Variants in DMD observed in about 807,000 individuals in gnomAD.
DMD encodes the protein mutant dystrophin.
Under a neutral mutation model 330.1 loss-of-function variants are expected in DMD, and 63 were observed. That is an observed-to-expected ratio of 0.19 (90% CI 0.16 to 0.24). The LOEUF is 0.24. Ranked by LOEUF, DMD falls within the 10% of genes least tolerant of loss-of-function variation. DMD has a pLI of 1.00. For synonymous variants in DMD, 1,223 were observed against 959.8 expected (o/e 1.27, Z -5.07); for missense variants, 3,344 against 2,684.1 (o/e 1.25, Z -5.43).
intron 42 of DMD, among the ~76,000 whole-genome samples, chrX:32,308,841 A>T (rs2097550271): frequency 9.0e-6 from 1 of 110,917 alleles, no homozygotes; most frequent in South Asian, 3.8e-4. Context: ...AGGAATGGAT[A>T]TTAGCTCATT....
At chrX:32,875,663 G>A (rs1362461506) in intron 2 of DMD, among the ~76,000 whole-genome samples, 1 of 112,101 alleles carries the variant, frequency 8.9e-6, no homozygotes, top group African/African-American at 3.2e-5. Context: ...TTTAAAATTA[G>A]TCAAAGCAAC....
chrX:32,639,049 C>G (rs747130769), intron 11 of DMD, among the ~76,000 whole-genome samples: 119 of 111,750 alleles, frequency 1.1e-3, no homozygotes, highest in Non-Finnish European at 2.0e-3. Context: ...CCAAAAAACA[C>G]AACTTCACTT....
At chrX:32,552,671 C>T (rs764333201) in intron 16 of DMD, among the ~76,000 whole-genome samples, 6 of 112,007 alleles carry the variant, frequency 5.4e-5, no homozygotes, top group African/African-American at 1.9e-4. Flanking sequence ...GCAAACTTTC[C>T]ATCTGACAAG....
chrX:32,486,318 T>G (rs912839071), intron 20 of DMD, among the ~76,000 whole-genome samples: 9 of 111,936 alleles, frequency 8.0e-5, no homozygotes, highest in Non-Finnish European at 1.3e-4. Context: ...GATTACACTT[T>G]CAAATAATAT....
At chrX:31,289,263 A>T (rs1048688574) in intron 62 of DMD, among the ~76,000 whole-genome samples, 1 of 85,596 alleles carries the variant, frequency 1.2e-5, no homozygotes, top group Non-Finnish European at 2.2e-5. Context: ...AAAAAAAAAA[A>T]AATAAAAAAT....
chrX:32,312,959 A>G (rs1435918144), intron 41 of DMD, among the ~76,000 whole-genome samples: 2 of 94,402 alleles, frequency 2.1e-5, no homozygotes, highest in Non-Finnish European at 4.3e-5. Context: ...AAAAAAAAAA[A>G]AAAAAGCCCA....
chrX:31,766,905 G>T (rs1353738383), intron 51 of DMD, among the ~76,000 whole-genome samples: 3 of 108,694 alleles, frequency 2.8e-5, no homozygotes, highest in Admixed American at 1.0e-4. Context: ...GTGTGTGTTT[G>T]CAACTCTATG....
intron 29 of DMD, among the ~76,000 whole-genome samples, chrX:32,429,387 G>GTTTTTTTTTTGTTTT (rs2098227598): frequency 2.3e-5 from 1 of 44,196 alleles, no homozygotes; most frequent in Non-Finnish European, 3.5e-5. Context: ...TTTTTTTTGG[G>GTTTTTTTTTTGTTTT]TTTTTTTTTT....
At chrX:31,709,580 CTGTCTGTGTGTG>C (rs1447837443) in intron 52 of DMD, among the ~76,000 whole-genome samples, 7 of 79,426 alleles carry the variant, frequency 8.8e-5, no homozygotes, top group Admixed American at 2.9e-4. Context: ...CTCTCTCTCT[CTGTCTGTGTGTG>C]TGTGTGTGTG....
chrX:33,256,203 A>G (rs779750676), intron 1 of DMD, among the ~76,000 whole-genome samples: 1 of 111,448 alleles, frequency 9.0e-6, no homozygotes, highest in Admixed American at 9.6e-5. Flanking sequence ...GCTATACATC[A>G]TATGGATAAA....
chrX:32,605,207 T>C (rs1422066705), intron 12 of DMD, among the ~76,000 whole-genome samples: 5 of 110,423 alleles, frequency 4.5e-5, no homozygotes, highest in South Asian at 3.7e-4. Flanking sequence ...CAGATACATA[T>C]AGATTGATTT....
chrX:32,399,613 C>T (rs1015584918), intron 30 of DMD, among the ~76,000 whole-genome samples: 2 of 110,899 alleles, frequency 1.8e-5, no homozygotes, highest in Non-Finnish European at 3.8e-5. Flanking sequence ...GAAAAGGGAA[C>T]CCTCATACAC....
At chrX:32,372,156 A>G (rs1170258783) in intron 34 of DMD, among the ~76,000 whole-genome samples, 1 of 111,544 alleles carries the variant, frequency 9.0e-6, no homozygotes, top group African/African-American at 3.2e-5. Flanking sequence ...AAACTTGTAC[A>G]ATTTTAAATG....
chrX:31,530,564 A>G (rs1569549746), intron 55 of DMD, among the ~76,000 whole-genome samples: 2 of 109,033 alleles, frequency 1.8e-5, no homozygotes, highest in Non-Finnish European at 3.8e-5. Flanking sequence ...ATCAAGTACC[A>G]GAGAACATCA....
chrX:33,334,725 C>T (rs1220023722), intron 1 of DMD, among the ~76,000 whole-genome samples: 5 of 110,824 alleles, frequency 4.5e-5, no homozygotes, highest in Non-Finnish European at 1.9e-5. Context: ...TTTACTGACC[C>T]CTAGCCTGGA....
intron 7 of DMD, among the ~76,000 whole-genome samples, chrX:32,740,433 C>T: frequency 9.1e-6 from 1 of 109,579 alleles, no homozygotes; most frequent in African/African-American, 3.3e-5. Flanking sequence ...ATGGGAATCA[C>T]TATTAAACCT....
intron 44 of DMD, among the ~76,000 whole-genome samples, chrX:32,167,564 C>A (rs931960452): frequency 2.7e-5 from 3 of 112,397 alleles, no homozygotes; most frequent in African/African-American, 9.7e-5. Flanking sequence ...ATATTGAGCA[C>A]TTCCAGTTAG....
At chrX:31,460,140 TCA>T (rs2066439203) in intron 59 of DMD, among the ~76,000 whole-genome samples, 1 of 111,900 alleles carries the variant, frequency 8.9e-6, no homozygotes, top group African/African-American at 3.2e-5. Flanking sequence ...ATGAACTTTT[TCA>T]CAGATATTTA....
At chrX:32,846,991 G>GT (rs1355988589) in intron 3 of DMD, among the ~76,000 whole-genome samples, 1 of 109,646 alleles carries the variant, frequency 9.1e-6, no homozygotes, top group African/African-American at 3.3e-5. Flanking sequence ...GGGCGACAGA[G>GT]TAAGATTCCA....
Sources: gnomAD v4.1 joint callset for allele counts (sites outside exome capture counted in the v4.1 genomes callset) on GRCh38, gnomAD v4.1.1 for gene constraint, MANE v1.5 for transcripts, NCBI Gene and HGNC (gene_info 2026-07-23, HGNC 2026-07-21) for gene names.